Variants in SPDYA observed in about 807,000 individuals in gnomAD.
The protein encoded by SPDYA is speedy/RINGO cell cycle regulator family member A.
Under a neutral mutation model 36.7 loss-of-function variants are expected in SPDYA, and 11 were observed. That is an observed-to-expected ratio of 0.30 (90% CI 0.19 to 0.50). The LOEUF (loss-of-function observed/expected upper bound fraction) is 0.50, where lower values mean the gene tolerates loss of function less well. SPDYA is among the 20% of genes least tolerant of loss of function. The pLI, the probability that SPDYA is intolerant of heterozygous loss-of-function variation, is 0.98. For synonymous variants in SPDYA, 115 were observed against 118.7 expected, an observed-to-expected ratio of 0.97 and a Z score of 0.20; for missense variants, 287 against 370.9, an observed-to-expected ratio of 0.77 and a Z score of 1.86.
intron 6 of SPDYA, 25 bp downstream of exon 6, chr2:28,829,344 T>A: frequency 6.3e-7 from 1 of 1,580,658 alleles, no homozygotes; most frequent in Non-Finnish European, 8.5e-7. Flanking sequence ...ATGCTTTATA[T>A]ATGTAATCTT....
At chr2:28,839,536 C>G (rs1668696015) in intron 6 of SPDYA, among the ~76,000 whole-genome samples, 1 of 152,210 alleles carries the variant, frequency 6.6e-6, no homozygotes, top group African/African-American at 2.4e-5. Flanking sequence ...GAGTCTCTCT[C>G]TGTGGCCCAG....
At chr2:28,824,493 A>AC (rs1491527883) in intron 5 of SPDYA, among the ~76,000 whole-genome samples, 26 of 30,282 alleles carry the variant, frequency 8.6e-4, no homozygotes, top group African/African-American at 2.6e-3. Context: ...AAAAAAAAAC[A>AC]AAAAAAAAAA....
intron 2 of SPDYA, 113 bp from the exon 3 acceptor site, chr2:28,815,884 A>T: frequency 1.5e-6 from 1 of 673,186 alleles, no homozygotes; most frequent in Non-Finnish European, 2.4e-6. Context: ...ATAACATTTT[A>T]ATGGCAAGTT....
chr2:28,831,504 A>G (rs1361641467), intron 6 of SPDYA, among the ~76,000 whole-genome samples: 1 of 152,246 alleles, frequency 6.6e-6, no homozygotes, highest in African/African-American at 2.4e-5. Flanking sequence ...AAATTAATGG[A>G]ACTTGTTTTT....
At chr2:28,829,936 T>C (rs1197224241) in intron 6 of SPDYA, among the ~76,000 whole-genome samples, 1 of 98,606 alleles carries the variant, frequency 1.0e-5, no homozygotes, top group Non-Finnish European at 1.9e-5. Context: ...AGAGCGAGAC[T>C]CCATCTCAAA....
intron 7 of SPDYA, among the ~76,000 whole-genome samples, chr2:28,843,409 G>A (rs1196910183): frequency 1.3e-5 from 2 of 152,070 alleles, no homozygotes; most frequent in African/African-American, 4.8e-5. Flanking sequence ...AATTAGCTGG[G>A]TGTGGTGGTA....
At chr2:28,814,566 T>C (rs545634716) in intron 1 of SPDYA, 47 bp from the exon 2 acceptor site, 2 of 152,344 alleles carry the variant, frequency 1.3e-5, no homozygotes, top group East Asian at 1.9e-4. Context: ...TTACATTATA[T>C]TGGACAGTGC....
intron 6 of SPDYA, among the ~76,000 whole-genome samples, chr2:28,832,913 T>C (rs1668511779): frequency 6.8e-6 from 1 of 148,008 alleles, no homozygotes; most frequent in Admixed American, 7.0e-5. Context: ...AGATCATGGC[T>C]CATTGCAGCC....
intron 3 of SPDYA, among the ~76,000 whole-genome samples, chr2:28,817,520 C>T (rs1668015979): frequency 6.6e-6 from 1 of 150,972 alleles, no homozygotes; most frequent in Non-Finnish European, 1.5e-5. Flanking sequence ...GAGATCGCAC[C>T]ATTGCACTCC....
At chr2:28,834,091 C>T (rs1401208210) in intron 6 of SPDYA, among the ~76,000 whole-genome samples, 1 of 151,436 alleles carries the variant, frequency 6.6e-6, no homozygotes, top group East Asian at 1.9e-4. Flanking sequence ...AACACACACA[C>T]ACACACACAC....
At chr2:28,840,080 G>A in intron 6 of SPDYA, 92 bp from the exon 7 acceptor site, 1 of 1,196,108 alleles carries the variant, frequency 8.4e-7, no homozygotes, top group African/African-American at 1.6e-5. Context: ...CTTCACTTTA[G>A]AGACAGTTGT....
chr2:28,842,081 A>C (rs887991088), intron 7 of SPDYA: 1 of 152,202 alleles, frequency 6.6e-6, no homozygotes, highest in African/African-American at 2.4e-5. Context: ...AAGTTAAATA[A>C]TTTGCCCAAG....
intron 7 of SPDYA, among the ~76,000 whole-genome samples, chr2:28,842,689 T>C (rs1668777521): frequency 6.6e-6 from 1 of 152,214 alleles, no homozygotes; most frequent in South Asian, 2.1e-4. Context: ...TAAAACTCTT[T>C]GTTTCAGGAT....
chr2:28,837,216 A>C (rs1668625958), intron 6 of SPDYA, among the ~76,000 whole-genome samples: 1 of 152,230 alleles, frequency 6.6e-6, no homozygotes, highest in African/African-American at 2.4e-5. Context: ...AATTGATAGC[A>C]GTGCTGAAGA....
intron 7 of SPDYA, among the ~76,000 whole-genome samples, chr2:28,848,307 T>C (rs1668934471): frequency 6.6e-6 from 1 of 152,218 alleles, no homozygotes; most frequent in Admixed American, 6.5e-5. Context: ...CCATTTTTCT[T>C]AGGATACACC....
rs565372230 is a variant in SPDYA at position 28,824,038 on chromosome 2, C to T, written c.380+1628C>T. On this transcript the variant is annotated intron_variant, in intron 5 of 7. Transcript: ENST00000334056. ...CTAGGATTACAGGCGTGAGCCACCG[C>T]GCCCAGCCATATGAATATAATTTTA... is the stretch of plus-strand genomic sequence containing the variant. Among the ~76,000 whole-genome samples the T allele has an allele frequency of 3.1e-3, 468 of 151,310 alleles. 2 individuals carry two copies. The highest frequency in any genetic ancestry group is 4.7e-3 in the Non-Finnish European group (318 of 67,798).
intron 6 of SPDYA, among the ~76,000 whole-genome samples, chr2:28,833,236 T>C (rs1009288071): frequency 6.6e-5 from 10 of 152,098 alleles, no homozygotes; most frequent in African/African-American, 1.7e-4. Flanking sequence ...CAGCCTTACA[T>C]AGGGTAAAAG....
intron 5 of SPDYA, among the ~76,000 whole-genome samples, chr2:28,825,431 T>C (rs569505200): frequency 6.6e-6 from 1 of 152,326 alleles, no homozygotes; most frequent in Admixed American, 6.5e-5. Context: ...ATATTAAAAA[T>C]AACATGAATT....
At chr2:28,814,071 A>G (rs1209584462) in intron 1 of SPDYA, among the ~76,000 whole-genome samples, 5 of 152,204 alleles carry the variant, frequency 3.3e-5, no homozygotes, top group African/African-American at 9.6e-5. Flanking sequence ...AGGAAGAAAG[A>G]TGGGATGAGA....
Sources: gnomAD v4.1 joint callset for allele counts (sites outside exome capture counted in the v4.1 genomes callset) on GRCh38, gnomAD v4.1.1 for gene constraint, MANE v1.5 for transcripts, NCBI Gene and HGNC (gene_info 2026-07-23, HGNC 2026-07-21) for gene names.